Variants in SLC13A2 observed in about 807,000 individuals in gnomAD.
SLC13A2 encodes solute carrier family 13 member 2.
In SLC13A2, 40 loss-of-function variants were observed where a neutral mutation model predicts 58.5. The observed-to-expected ratio is 0.68, with a 90% CI of 0.53 to 0.89. The LOEUF (loss-of-function observed/expected upper bound fraction) is 0.89. SLC13A2 is among the 40% of genes least tolerant of loss of function. The pLI, the probability that SLC13A2 is intolerant of heterozygous loss-of-function variation, is 0.00. For missense variants in SLC13A2, 694 were observed against 772.6 expected, an observed-to-expected ratio of 0.90 and a Z score of 1.21; for synonymous variants, 341 against 331.6, an observed-to-expected ratio of 1.03 and a Z score of -0.31.
rs782594780 is a variant in SLC13A2 at position 28,490,581 on chromosome 17, G to A, written c.359G>A (p.Arg120Gln). ...CGTGTCCTCCTCATCGTTGGGGTGC[G>A]GCCTGCCCCGTGAGTTCCTCCTGCA... ...ALRVLLIVGV[R>Q]PAPLILGFML... The change falls in exon 3 of 12, where the codon CGG becomes CAG. Residue 120 changes from arginine to glutamine, a missense_variant. By Grantham distance (43) the Arg-to-Gln change is conservative (BLOSUM62 1). Transcript: ENST00000314669. 2.8e-5 allele frequency: 45 copies of A among 1,598,758 alleles called. No individual in the cohort carries two copies. Among genetic ancestry groups the A allele is most frequent in the Non-Finnish European group, 3.7e-5 (43 of 1,169,056 alleles).
chr17:28,487,526 A>C, intron 1 of SLC13A2: 1 of 985,426 alleles, frequency 1.0e-6, no homozygotes, highest in Non-Finnish European at 1.2e-6. Flanking sequence ...ATACTTATAC[A>C]GAAACTTCTT....
At chr17:28,495,983 C>T (rs2069134846) in intron 10 of SLC13A2, among the ~76,000 whole-genome samples, 167 bp downstream of exon 10, 1 of 152,136 alleles carries the variant, frequency 6.6e-6, no homozygotes, top group Non-Finnish European at 1.5e-5. Flanking sequence ...CACCTTGGGC[C>T]CCAAGGCGCT....
At position 28,497,329 on chromosome 17, in the gene SLC13A2, C is replaced by G. The variant is rs782579369; in HGVS notation, c.*60C>G. 3.9e-6 allele frequency: 6 copies of G among 1,547,598 alleles called. No homozygotes were observed. The Admixed American group carries it at 1.1e-4, about 29-fold the overall frequency. ...CACCCCATTCCCACTCCTCTGAGCC[C>G]GGAGGGGACACCCCAAGCTCCAAGC... On this transcript the variant is annotated 3_prime_UTR_variant, in exon 12 of 12. Transcript: ENST00000314669.
At position 28,491,746 on chromosome 17, in the gene SLC13A2, G is replaced by C; in HGVS notation, c.772G>C (p.Gly258Arg). 1 of 1,614,146 alleles carries C rather than the reference G, an allele frequency of 6.2e-7. No homozygotes were observed. The highest frequency in any genetic ancestry group is 1.1e-5 in the South Asian group (1 of 91,074). Residue 258 changes from glycine (G) to arginine (R), a missense_variant, in exon 6 of 12, where the codon GGC becomes CGC. Gly to Arg is a moderately radical substitution (Grantham distance 125). Coordinates refer to ENST00000314669, the MANE Select transcript of SLC13A2 (RefSeq NM_003984.4). Reference sequence around the variant, plus strand: ...CTCCTTCAGGCTCTTCCCCCAAAACGGCAACGTGGTGAACTTCGCCTCCTG... The same window carrying C: ...CTCCTTCAGGCTCTTCCCCCAAAACCGCAACGTGGTGAACTTCGCCTCCTG... ...GQINSLFPQN[G>R]NVVNFASWFS...
chr17:28,497,407 T>C lies in SLC13A2; in HGVS notation c.*138T>C. ...GCACGTGTGTACATAATCTCTTGCG[T>C]GTCTGTAAGGAAGGGGTGTATGCTC... On this transcript the variant is annotated 3_prime_UTR_variant, in exon 12 of 12. Coordinates refer to ENST00000314669, the MANE Select transcript of SLC13A2 (RefSeq NM_003984.4). 4.3e-6 allele frequency: 4 copies of C among 925,076 alleles called. No individual in the cohort carries two copies. Among genetic ancestry groups the C allele is most frequent in the Non-Finnish European group, 6.4e-6 (4 of 625,752 alleles). The allele number at this position is 925,076 out of a possible 1,614,324, so 57.3% of individuals were successfully genotyped here.
chr17:28,493,247 G>A (rs1457994035), intron 6 of SLC13A2, among the ~76,000 whole-genome samples: 1 of 152,132 alleles, frequency 6.6e-6, no homozygotes, highest in African/African-American at 2.4e-5. Context: ...TGGAGGAGAA[G>A]AGCTGTGAGC....
intron 1 of SLC13A2, among the ~76,000 whole-genome samples, chr17:28,488,564 A>C (rs530410491): frequency 4.8e-4 from 73 of 152,122 alleles, no homozygotes; most frequent in Non-Finnish European, 1.0e-3. Context: ...GGAAAGAGGG[A>C]CTTCTGGTAC....
intron 1 of SLC13A2, among the ~76,000 whole-genome samples, chr17:28,477,489 C>CA (rs1555600316): frequency 3.0e-4 from 46 of 151,998 alleles, no homozygotes; most frequent in Middle Eastern, 3.4e-3. Flanking sequence ...CCACCATGCC[C>CA]GGCCACCCCC....
At position 28,490,463 on chromosome 17, in the gene SLC13A2, G is replaced by A. The variant is rs146998121; in HGVS notation, c.241G>A (p.Glu81Lys). 5.6e-6 allele frequency: 9 copies of A among 1,614,018 alleles called. No homozygotes were observed. The highest frequency in any genetic ancestry group is 5.9e-6 in the Non-Finnish European group (7 of 1,180,008). Residue 81 changes from glutamate to lysine, a missense_variant, in exon 3 of 12, where the codon GAG becomes AAG. Glu to Lys is a moderately conservative substitution (Grantham distance 56, BLOSUM62 1). Transcript: ENST00000314669. ...GIVDASEVAV[E>K]YLKDSNLLFF... ...TGTCTCCACCTGCCAGGTTGCCGTC[G>A]AGTATCTTAAGGACTCCAACCTCCT...
intron 9 of SLC13A2, among the ~76,000 whole-genome samples, chr17:28,495,007 A>G (rs1227385989): frequency 6.6e-6 from 1 of 152,164 alleles, no homozygotes; most frequent in Non-Finnish European, 1.5e-5. Context: ...GTTCTGGCTC[A>G]AACAGAAGGT....
chr17:28,495,676 C>T lies in SLC13A2; in HGVS notation c.1330C>T (p.Leu444=), dbSNP rs781897273. ...ACAGCGATCGGGCCTGTCAGAGTGG[C>T]TGGGAAACAAGCTGACCCCACTGCA... ...GSERSGLSEW[L]GNKLTPLQSV... Residue 444 remains leucine (L), a synonymous_variant, in exon 10 of 12, where the codon CTG becomes TTG. Coordinates refer to ENST00000314669, the MANE Select transcript of SLC13A2 (RefSeq NM_003984.4). 6 of 1,611,296 alleles carry T rather than the reference C, an allele frequency of 3.7e-6. 1 individual carries two copies. The Middle Eastern group carries it at 6.6e-4, about 177-fold the overall frequency.
chr17:28,477,195 T>C (rs1159537093), intron 1 of SLC13A2, among the ~76,000 whole-genome samples: 1 of 141,486 alleles, frequency 7.1e-6, no homozygotes, highest in Admixed American at 6.9e-5. Context: ...AGTTTTTTGT[T>C]TTTTTTTTTT....
intron 1 of SLC13A2, among the ~76,000 whole-genome samples, chr17:28,480,592 G>A (rs555343386): frequency 2.7e-4 from 41 of 152,212 alleles, no homozygotes; most frequent in African/African-American, 8.9e-4. Flanking sequence ...TGACCTGACC[G>A]AGCCTCTTCA....
chr17:28,495,897 T>C, intron 10 of SLC13A2, 81 bp downstream of exon 10: 1 of 1,492,364 alleles, frequency 6.7e-7, no homozygotes, highest in Non-Finnish European at 9.1e-7. Context: ...GGGCAGAGTA[T>C]CCTGTCTTTG....
chr17:28,482,997 G>A (rs1241871505), intron 1 of SLC13A2, among the ~76,000 whole-genome samples: 2 of 152,238 alleles, frequency 1.3e-5, no homozygotes, highest in Non-Finnish European at 2.9e-5. Flanking sequence ...CTTGCTAGGG[G>A]CAGAGGGGCA....
chr17:28,477,658 C>T (rs1555600351), intron 1 of SLC13A2, among the ~76,000 whole-genome samples: 1 of 152,210 alleles, frequency 6.6e-6, no homozygotes, highest in African/African-American at 2.4e-5. Context: ...CAAATTTGTG[C>T]CCATAATAAT....
rs2069145603 is a variant in SLC13A2, at chr17:28,496,470, C to T, written c.1491C>T (p.His497=). ...LASMAQAICL[H]PLYVMLPCTL... ...TCCAGGCCCAGGCCATCTGCCTCCACCCTCTCTACGTCATGCTCCCCTGCA... is the reference window on the plus strand; with the variant it reads ...TCCAGGCCCAGGCCATCTGCCTCCATCCTCTCTACGTCATGCTCCCCTGCA... Residue 497 remains histidine (H), a synonymous_variant, in exon 11 of 12, where the codon CAC becomes CAT. Coordinates refer to ENST00000314669, the MANE Select transcript of SLC13A2 (RefSeq NM_003984.4). This position sits in a 1 kb window ranked among gnomAD's most constrained non-coding sequence, Gnocchi z 4.2. The T allele has an allele frequency of 6.2e-7, 1 of 1,608,636 alleles. No homozygotes were observed. Among genetic ancestry groups the T allele is most frequent in the Admixed American group, 1.7e-5 (1 of 59,640 alleles).
intron 11 of SLC13A2, 56 bp from the exon 12 acceptor site, chr17:28,497,043 C>A: frequency 1.9e-6 from 3 of 1,572,564 alleles, no homozygotes; most frequent in Non-Finnish European, 2.6e-6. Context: ...CACCTGGGGA[C>A]TTGGGGGCAG....
In SLC13A2 at chr17:28,490,394, G is replaced by A. The variant is rs782368951; in HGVS notation, c.232-60G>A. 27 of 1,613,856 alleles carry A rather than the reference G, an allele frequency of 1.7e-5. 1 individual carries two copies. Among genetic ancestry groups the A allele is most frequent in the Middle Eastern group, 1.6e-4 (1 of 6,084 alleles). ...GTCAGTGACTGCATCCCATAACCTC[G>A]GGGGCACCGTGGGAGACTCCAGGGT... On this transcript the variant is annotated intron_variant, in intron 2 of 11. Transcript: ENST00000314669.
Sources: gnomAD v4.1 joint callset for allele counts (sites outside exome capture counted in the v4.1 genomes callset) on GRCh38, gnomAD v4.1.1 for gene constraint, Gnocchi (gnomAD v3.1) non-coding constraint, MANE v1.5 for transcripts, NCBI Gene and HGNC (gene_info 2026-07-23, HGNC 2026-07-21) for gene names.